Variants in SLCO1C1 observed in about 807,000 individuals in gnomAD.
SLCO1C1 encodes the protein OAT-RP-5.
A neutral mutation model predicts 76.4 loss-of-function variants in SLCO1C1; 70 were observed. The ratio of observed to expected loss-of-function variants is 0.92; its 90% CI spans 0.76 to 1.12. The LOEUF is 1.12. Ranked by LOEUF, SLCO1C1 falls within the 50% of genes most tolerant of loss-of-function variation. The pLI is 0.00. For synonymous variants in SLCO1C1, 306 were observed against 286.1 expected (o/e 1.07, Z -0.70); for missense variants, 912 against 823.8 (o/e 1.11, Z -1.31).
chr12:20,723,129 T>C lies in SLCO1C1; in HGVS notation c.1061T>C (p.Val354Ala). Residue 354 changes from valine (V) to alanine (A), a missense_variant, in exon 9 of 15, where the codon GTA becomes GCA. Physicochemically the swap from Val to Ala is moderately conservative, Grantham distance 64 (BLOSUM62 0). Coordinates refer to ENST00000266509, the MANE Select transcript of SLCO1C1 (RefSeq NM_017435.5). Reference sequence around the variant, plus strand: ...CTGAAGAATCTTTTTGGAAACCCAGTATACTTCCTATATTTATGTACAAGC... The same window carrying C: ...CTGAAGAATCTTTTTGGAAACCCAGCATACTTCCTATATTTATGTACAAGC... Reference protein sequence around the residue: ...PSLKNLFGNPVYFLYLCTSTV... With the variant: ...PSLKNLFGNPAYFLYLCTSTV... The C allele has an allele frequency of 6.2e-7, 1 of 1,611,662 alleles. No homozygotes were observed. Among genetic ancestry groups the C allele is most frequent in the Non-Finnish European group, 8.5e-7 (1 of 1,179,364 alleles).
chr12:20,723,489 G>A (rs1256955384), intron 9 of SLCO1C1, among the ~76,000 whole-genome samples: 1 of 152,104 alleles, frequency 6.6e-6, no homozygotes, highest in Non-Finnish European at 1.5e-5. Context: ...ATTTTATGAG[G>A]AGTTTGTTAA....
At chr12:20,732,380 T>C (rs1913821) in intron 9 of SLCO1C1, among the ~76,000 whole-genome samples, 141,783 of 152,160 alleles carry the variant, frequency 0.93, 66,572 homozygotes, top group Non-Finnish European at 0.99. Context: ...TATTAACATA[T>C]CAAATGCTTA....
chr12:20,697,459 C>T (rs1946321163), intron 1 of SLCO1C1: 1 of 151,988 alleles, frequency 6.6e-6, no homozygotes, highest in Non-Finnish European at 1.5e-5. Context: ...CTCTGCATTT[C>T]CCAAACCCTG....
intron 9 of SLCO1C1, among the ~76,000 whole-genome samples, chr12:20,727,617 C>G (rs1273881409): frequency 1.3e-5 from 2 of 152,230 alleles, no homozygotes; most frequent in Non-Finnish European, 2.9e-5. Context: ...TCACGCCATT[C>G]TCCTGCTTCA....
chr12:20,712,544 A>G (rs751102145), intron 5 of SLCO1C1, among the ~76,000 whole-genome samples: 16 of 151,686 alleles, frequency 1.1e-4, no homozygotes, highest in Non-Finnish European at 2.4e-4. Context: ...TATGCTCCAC[A>G]CTCCTTCCCT....
At chr12:20,749,536 T>C (rs1565550635) in intron 13 of SLCO1C1, among the ~76,000 whole-genome samples, 1 of 152,170 alleles carries the variant, frequency 6.6e-6, no homozygotes. Context: ...AATCCCAAAG[T>C]CTACACAGAC....
At chr12:20,743,617 T>C (rs1468580181) in intron 13 of SLCO1C1, among the ~76,000 whole-genome samples, 1 of 152,166 alleles carries the variant, frequency 6.6e-6, no homozygotes, top group African/African-American at 2.4e-5. Context: ...TTAATCATAA[T>C]TTTTGTTTAA....
intron 13 of SLCO1C1, among the ~76,000 whole-genome samples, chr12:20,745,180 A>T (rs2120909955): frequency 6.6e-6 from 1 of 152,292 alleles, no homozygotes; most frequent in East Asian, 1.9e-4. Context: ...AAATTTCAGG[A>T]TGGAAGTAAG....
intron 8 of SLCO1C1, 66 bp from the exon 9 acceptor site, chr12:20,723,024 C>A: frequency 7.0e-7 from 1 of 1,434,658 alleles, no homozygotes; most frequent in Non-Finnish European, 9.6e-7. Context: ...GTCCTGCCAG[C>A]ACGGCTACTT....
Position 20,721,790 on chromosome 12 carries a change from CCT to C in SLCO1C1, c.776-11_776-10del. On this transcript the variant is annotated splice_polypyrimidine_tract_variant and intron_variant, in intron 7 of 14. Coordinates refer to ENST00000266509, the MANE Select transcript of SLCO1C1 (RefSeq NM_017435.5). ...TGCTGTTTGTATTACTTAGCCATCC[CCT>C]CTGTCTTTCAGATCACATAACCATT... The C allele has an allele frequency of 6.2e-7, 1 of 1,612,984 alleles. No homozygotes were observed. Among genetic ancestry groups the C allele is most frequent in the Middle Eastern group, 1.7e-4 (1 of 6,054 alleles).
Position 20,746,836 on chromosome 12 carries a change from G to A in SLCO1C1, c.1798+3467G>A, listed in dbSNP as rs1156329155. The stretch of plus-strand genomic sequence containing the variant: ...GTCTTTTTTTTTTCAAAAACCATTA[G>A]TAAGAAAAAAAGTGAAGATTGGATA... On this transcript the variant is annotated intron_variant, in intron 13 of 14. Coordinates refer to ENST00000266509, the MANE Select transcript of SLCO1C1 (RefSeq NM_017435.5). 3.3e-5 allele frequency among the ~76,000 whole-genome samples: 5 copies of A among 150,130 alleles called. No individual in the cohort carries two copies. In the South Asian group the frequency reaches 6.3e-4, roughly 19 times the overall value.
rs567810885 is a variant in SLCO1C1 at position 20,719,196 on chromosome 12, GCAC to G, written c.775+1970_775+1972del. Among the ~76,000 whole-genome samples the G allele has an allele frequency of 5.8e-3, 873 of 151,588 alleles. 3 individuals carry two copies. Among genetic ancestry groups the G allele is most frequent in the Admixed American group, 0.012 (176 of 15,210 alleles). On this transcript the variant is annotated intron_variant, in intron 7 of 14. Transcript: ENST00000266509. Reference sequence around the variant, plus strand: ...ATGTTAGTATTGTAATTGTTTTGGGGCACCACAATTGTGCCCATATAAGACAGC... The same window carrying G: ...ATGTTAGTATTGTAATTGTTTTGGGGCACAATTGTGCCCATATAAGACAGC...
intron 3 of SLCO1C1, among the ~76,000 whole-genome samples, chr12:20,703,788 C>T (rs1422229334): frequency 2.6e-5 from 4 of 151,428 alleles, no homozygotes; most frequent in African/African-American, 9.7e-5. Context: ...TATACTATTC[C>T]GTTTGCTAAT....
intron 3 of SLCO1C1, among the ~76,000 whole-genome samples, chr12:20,703,053 A>C (rs1289916067): frequency 6.6e-6 from 1 of 151,846 alleles, no homozygotes; most frequent in African/African-American, 2.4e-5. Flanking sequence ...CTAGGTATAT[A>C]AATTATTTAT....
rs115484451 is a variant in SLCO1C1, at chr12:20,716,936, G to T, written c.677-196G>T. Among the ~76,000 whole-genome samples the T allele has an allele frequency of 3.3e-3, 498 of 152,088 alleles. 1 individual carries two copies. The highest frequency in any genetic ancestry group is 0.011 in the African/African-American group (472 of 41,492). On this transcript the variant is annotated intron_variant, in intron 6 of 14. Transcript: ENST00000266509. ...AAGACATATTTAATGCCTTAAAATTGTTCATTTTTCTCCCAAAGCAGTGAA... is the reference window on the plus strand; with the variant it reads ...AAGACATATTTAATGCCTTAAAATTTTTCATTTTTCTCCCAAAGCAGTGAA...
At chr12:20,745,118 C>T (rs1048416055) in intron 13 of SLCO1C1, among the ~76,000 whole-genome samples, 6 of 151,962 alleles carry the variant, frequency 3.9e-5, no homozygotes, top group African/African-American at 7.3e-5. Context: ...GAAGCATCAA[C>T]TAAAAACTAA....
intron 4 of SLCO1C1, among the ~76,000 whole-genome samples, chr12:20,710,470 C>T (rs1022644609): frequency 1.3e-5 from 2 of 151,966 alleles, no homozygotes; most frequent in Non-Finnish European, 2.9e-5. Flanking sequence ...TACCTCTTCC[C>T]CAAGGGGTAC....
At chr12:20,726,484 A>T (rs975057236) in intron 9 of SLCO1C1, among the ~76,000 whole-genome samples, 4 of 152,252 alleles carry the variant, frequency 2.6e-5, no homozygotes, top group African/African-American at 9.6e-5. Context: ...AAGTTTAGAG[A>T]TAGCATTTTT....
rs981756214 is a variant in SLCO1C1 at position 20,721,814 on chromosome 12, C to T, written c.786C>T (p.Thr262=). ...CCCTCTGTCTTTCAGATCACATAAC[C>T]ATTACCCCAAAAGATCCCCAGTGGG... ...DIGFVNLDHI[T]ITPKDPQWVG... Residue 262 remains threonine (T), a synonymous_variant, in exon 8 of 15, where the codon ACC becomes ACT. Transcript: ENST00000266509. 2.5e-6 allele frequency: 4 copies of T among 1,613,952 alleles called. No individual in the cohort carries two copies. The highest frequency in any genetic ancestry group is 1.3e-5 in the African/African-American group (1 of 74,912).
Sources: gnomAD v4.1 joint callset for allele counts (sites outside exome capture counted in the v4.1 genomes callset) on GRCh38, gnomAD v4.1.1 for gene constraint, MANE v1.5 for transcripts, NCBI Gene and HGNC (gene_info 2026-07-23, HGNC 2026-07-21) for gene names.